The following MAP3K3 variants were observed in gnomAD, a reference collection of about 807,000 sequenced individuals.
The protein encoded by MAP3K3 is MAP/ERK kinase kinase 3.
A neutral mutation model predicts 80.9 loss-of-function variants in MAP3K3; 12 were observed. The ratio of observed to expected loss-of-function variants is 0.15; its 90% CI spans 0.10 to 0.24. The LOEUF is 0.24. Ranked by LOEUF, MAP3K3 falls within the 10% of genes least tolerant of loss-of-function variation. The probability of loss-of-function intolerance (pLI) is 1.00; values close to 1 mark genes in which losing one functional copy is unlikely to be tolerated. For missense variants in MAP3K3, 596 were observed against 834.7 expected (o/e 0.71, Z 3.52); for synonymous variants, 272 against 307.1 (o/e 0.89, Z 1.19).
intron 1 of MAP3K3, among the ~76,000 whole-genome samples, chr17:63,631,870 T>C (rs1380181201): frequency 6.6e-6 from 1 of 152,126 alleles, no homozygotes; most frequent in East Asian, 1.9e-4. Context: ...GGTGGCGGCA[T>C]TCAAATGCTA....
At chr17:63,666,890 G>A (rs1433814866) in intron 5 of MAP3K3, 50 bp from the exon 6 acceptor site, 2 of 1,606,074 alleles carry the variant, frequency 1.2e-6, no homozygotes, top group Admixed American at 1.7e-5. Flanking sequence ...GACCTTGATA[G>A]GCCTGACTGT....
chr17:63,693,799 C>T lies in MAP3K3; in HGVS notation c.*22C>T, dbSNP rs1434703820. On this transcript the variant is annotated 3_prime_UTR_variant, in exon 16 of 16. Transcript: ENST00000361733. This position sits in a 1 kb window ranked among gnomAD's most constrained non-coding sequence, Gnocchi z 4.2. ...CTGAGCTCTCACGGCCACACAGCTG[C>T]CGGTCGCCCTTTGCTGCATGGCAGG... The T allele has an allele frequency of 1.3e-6, 2 of 1,583,122 alleles. No individual in the cohort carries two copies. Among genetic ancestry groups the T allele is most frequent in the Non-Finnish European group, 1.7e-6 (2 of 1,163,756 alleles).
chr17:63,636,848 T>C, intron 2 of MAP3K3: 2 of 365,526 alleles, frequency 5.5e-6, no homozygotes. Flanking sequence ...GCGTTGGTGG[T>C]CAAGTCCTCC....
chr17:63,657,302 G>A (rs1041617922), intron 4 of MAP3K3, among the ~76,000 whole-genome samples: 2 of 152,012 alleles, frequency 1.3e-5, no homozygotes, highest in Non-Finnish European at 2.9e-5. Flanking sequence ...TCACAACTGG[G>A]TACTGAGGTA....
chr17:63,628,502 A>G (rs2034151944), intron 1 of MAP3K3, among the ~76,000 whole-genome samples: 1 of 151,542 alleles, frequency 6.6e-6, no homozygotes, highest in Admixed American at 6.6e-5. Context: ...ATGGGATTAC[A>G]GGCATGTGCC....
Position 63,692,010 on chromosome 17 carries a change from A to G in MAP3K3, c.1474+148A>G. The G allele has an allele frequency of 1.0e-6, 1 of 994,444 alleles. No homozygotes were observed. Among genetic ancestry groups the G allele is most frequent in the South Asian group, 1.6e-5 (1 of 62,780 alleles). 61.6% of individuals were successfully genotyped at this position (994,444 alleles called of 1,614,324 possible). The stretch of plus-strand genomic sequence containing the variant: ...CCTGAGGAACTGGTGAGATTGGTTG[A>G]GCAATATGAGAGAATATTGCCAAGT... On this transcript the variant is annotated intron_variant, in intron 14 of 15. Transcript: ENST00000361733. The surrounding 1 kb of genome is among the most constrained non-coding windows in gnomAD (Gnocchi z 4.5).
At chr17:63,626,478 T>G (rs1341088021) in intron 1 of MAP3K3, among the ~76,000 whole-genome samples, 2 of 152,240 alleles carry the variant, frequency 1.3e-5, no homozygotes, top group Non-Finnish European at 2.9e-5. Flanking sequence ...TTGATTCTTA[T>G]GAGGAATAAA....
At chr17:63,660,613 A>G (rs2034870859) in intron 5 of MAP3K3, among the ~76,000 whole-genome samples, 1 of 141,658 alleles carries the variant, frequency 7.1e-6, no homozygotes, top group Non-Finnish European at 1.5e-5. Context: ...TTTATTTGAG[A>G]TGGAGTTTCA....
At chr17:63,668,861 G>A (rs2035048430) in intron 6 of MAP3K3, among the ~76,000 whole-genome samples, 1 of 152,186 alleles carries the variant, frequency 6.6e-6, no homozygotes, top group South Asian at 2.1e-4. Flanking sequence ...GATGAATGCT[G>A]CAGTGAAGCA....
intron 6 of MAP3K3, among the ~76,000 whole-genome samples, chr17:63,680,646 A>G (rs73992357): frequency 0.034 from 5,233 of 152,270 alleles, 319 homozygotes; most frequent in African/African-American, 0.12. Context: ...AGTGACTTAC[A>G]AAGTGTGTCA....
intron 1 of MAP3K3, 30 bp downstream of exon 1, chr17:63,622,793 C>G (rs767423336): frequency 1.6e-5 from 8 of 495,370 alleles, no homozygotes; most frequent in South Asian, 1.3e-4. Flanking sequence ...CGGCCTGTGC[C>G]CGCGCTGCTT....
intron 1 of MAP3K3, among the ~76,000 whole-genome samples, chr17:63,628,019 C>A (rs1437372945): frequency 6.6e-6 from 1 of 151,910 alleles, no homozygotes; most frequent in African/African-American, 2.4e-5. Flanking sequence ...TATTCCCATG[C>A]CTCAGCCTCC....
rs568874206 is a variant in MAP3K3 at position 63,688,850 on chromosome 17, C to T, written c.840C>T (p.His280=). 8 of 1,614,034 alleles carry T rather than the reference C, an allele frequency of 5.0e-6. No homozygotes were observed. In the East Asian group the frequency reaches 8.9e-5, roughly 18 times the overall value. Reference sequence around the variant, plus strand: ...GTGGAACCTACCCCCGGCGCTACCACGTGTCTGTGCACCACAAGGACTACA... The same window carrying T: ...GTGGAACCTACCCCCGGCGCTACCATGTGTCTGTGCACCACAAGGACTACA... ...VKGGTYPRRY[H]VSVHHKDYSD... is the part of the protein sequence containing the mutation. The change falls in exon 10 of 16, where the codon CAC becomes CAT. Residue 280 remains histidine, a synonymous_variant. Transcript: ENST00000361733.
chr17:63,656,366 G>T (rs1188531157), intron 4 of MAP3K3, among the ~76,000 whole-genome samples: 1 of 151,962 alleles, frequency 6.6e-6, no homozygotes, highest in African/African-American at 2.4e-5. Context: ...AGTTTGGTAG[G>T]CTGAGGTGGG....
chr17:63,665,536 AT>A (rs1480395304), intron 5 of MAP3K3, among the ~76,000 whole-genome samples: 1 of 152,078 alleles, frequency 6.6e-6, no homozygotes, highest in Non-Finnish European at 1.5e-5. Flanking sequence ...TGTTGCCATG[AT>A]TTTTTGAATT....
intron 6 of MAP3K3, among the ~76,000 whole-genome samples, chr17:63,681,167 G>A (rs2035325847): frequency 6.6e-6 from 1 of 151,766 alleles, no homozygotes. Context: ...AAGTGTGGGA[G>A]TGGGTAGGAA....
chr17:63,688,424 A>AC (rs2035506315), intron 8 of MAP3K3, 103 bp from the exon 9 acceptor site: 1 of 890,916 alleles, frequency 1.1e-6, no homozygotes, highest in Non-Finnish European at 1.9e-6. Context: ...TGCTTCCCCC[A>AC]CCTAATGCTG....
At chr17:63,655,021 G>A (rs996632530) in intron 4 of MAP3K3, among the ~76,000 whole-genome samples, 1 of 151,678 alleles carries the variant, frequency 6.6e-6, no homozygotes, top group Non-Finnish European at 1.5e-5. Context: ...TTGAGACTCT[G>A]TCTCAAAAAA....
Position 63,690,392 on chromosome 17 carries a change from G to T in MAP3K3, c.1192G>T (p.Asp398Tyr). The T allele has an allele frequency of 6.2e-7, 1 of 1,614,116 alleles. No individual in the cohort carries two copies. The highest frequency in any genetic ancestry group is 8.5e-7 in the Non-Finnish European group (1 of 1,180,006). Residue 398 changes from aspartate to tyrosine, a missense_variant, in exon 12 of 16, where the codon GAC becomes TAC. This residue lies in a region of MAP3K3 where 364 missense variants were observed against 588.9 expected (regional missense o/e 0.62). Transcript: ENST00000361733. ...TTCCAAGCAGGTCCAATTTGATCCA[G>T]ACAGTCCTGAGACAAGCAAGGTACA... ...LASKQVQFDP[D>Y]SPETSKEVSA... is the part of the protein sequence containing the mutation.
Sources: allele counts gnomAD v4.1 joint callset (sites outside exome capture counted in the v4.1 genomes callset), GRCh38; gene constraint gnomAD v4.1.1; regional missense constraint gnomAD v4.1.1; non-coding constraint Gnocchi (gnomAD v3.1); transcripts MANE v1.5; gene names NCBI Gene and HGNC (gene_info 2026-07-23, HGNC 2026-07-21).